PLSCR1: variants seen among roughly 807,000 people sequenced by gnomAD.
PLSCR1 encodes the protein PL scramblase 1.
In PLSCR1, 17 loss-of-function variants were observed where a neutral mutation model predicts 37.8. The observed-to-expected ratio is 0.45, with a 90% CI of 0.31 to 0.68. The LOEUF (loss-of-function observed/expected upper bound fraction) is 0.68, where lower values mean the gene tolerates loss of function less well. PLSCR1 is among the 30% of genes least tolerant of loss of function. The probability of loss-of-function intolerance (pLI) is 0.06; values close to 1 mark genes in which losing one functional copy is unlikely to be tolerated. For missense variants in PLSCR1, 347 were observed against 380.9 expected (o/e 0.91, Z 0.74); for synonymous variants, 116 against 125.9 (o/e 0.92, Z 0.53).
rs745943253 is a variant in PLSCR1 at position 146,521,904 on chromosome 3, C to A, written c.505G>T (p.Gly169Cys). Reference sequence around the variant, plus strand: ...CTCTCCAGAGTTATGACTTCTTGACCCATATTATCAATAATCCTCAAGGTA... The same window carrying A: ...CTCTCCAGAGTTATGACTTCTTGACACATATTATCAATAATCCTCAAGGTA... Reference protein sequence around the residue: ...PFTLRIIDNMGQEVITLERPL... With the variant: ...PFTLRIIDNMCQEVITLERPL... Residue 169 changes from glycine (G) to cysteine (C), a missense_variant, in exon 6 of 9, where the codon GGT becomes TGT. Coordinates refer to ENST00000342435, the MANE Select transcript of PLSCR1 (RefSeq NM_021105.3). The A allele has an allele frequency of 9.9e-6, 16 of 1,613,634 alleles. No homozygotes were observed. Among genetic ancestry groups the A allele is most frequent in the Non-Finnish European group, 1.4e-5 (16 of 1,179,750 alleles).
rs2044174296 is a variant in PLSCR1 at position 146,530,011 on chromosome 3, A to T, written c.95-1180T>A. ...CTCTGGAAAATATAATTTGAGAAAC[A>T]AGGATGGCAAAAAATTGTAAGAGGC... is the stretch of plus-strand genomic sequence containing the variant. On this transcript the variant is annotated intron_variant, in intron 3 of 8. Transcript: ENST00000342435. Among the ~76,000 whole-genome samples, 2 of 152,240 alleles carry T rather than the reference A, an allele frequency of 1.3e-5. 1 individual carries two copies. The highest frequency in any genetic ancestry group is 4.1e-4 in the South Asian group (2 of 4,836).
intron 5 of PLSCR1, 34 bp downstream of exon 5, chr3:146,525,571 T>G: frequency 8.6e-7 from 1 of 1,168,044 alleles, no homozygotes; most frequent in Non-Finnish European, 1.3e-6. Context: ...CTTCTACTCT[T>G]TATAGAAACA....
At chr3:146,544,281 A>G (rs1407787546) in intron 1 of PLSCR1, among the ~76,000 whole-genome samples, 186 bp downstream of exon 1, 5 of 151,982 alleles carry the variant, frequency 3.3e-5, no homozygotes, top group Non-Finnish European at 7.4e-5. Flanking sequence ...GGCCTCTTGC[A>G]TTTCTGGCCC....
chr3:146,527,749 G>A (rs540025291), intron 4 of PLSCR1, among the ~76,000 whole-genome samples: 2 of 152,262 alleles, frequency 1.3e-5, no homozygotes, highest in African/African-American at 4.8e-5. Context: ...GGGAAATTAA[G>A]TTACTAAAGA....
intron 4 of PLSCR1, among the ~76,000 whole-genome samples, chr3:146,526,183 CAAAAAAAAAAAAAAAA>C (rs60229241): frequency 1.2e-4 from 5 of 42,824 alleles, no homozygotes; most frequent in African/African-American, 4.8e-4. Flanking sequence ...GACTCCATCT[CAAAAAAAAAAAAAAAA>C]AAAAAGAAAG....
intron 3 of PLSCR1, among the ~76,000 whole-genome samples, chr3:146,530,307 C>T (rs1015464534): frequency 6.6e-6 from 1 of 152,028 alleles, no homozygotes; most frequent in African/African-American, 2.4e-5. Context: ...CAGAATAAAC[C>T]TCACAATAAT....
At chr3:146,527,225 A>T (rs1488829688) in intron 4 of PLSCR1, among the ~76,000 whole-genome samples, 1 of 152,216 alleles carries the variant, frequency 6.6e-6, no homozygotes, top group Non-Finnish European at 1.5e-5. Context: ...TAATGAATAC[A>T]AAATTACAGC....
chr3:146,537,548 A>G (rs2044281741), intron 1 of PLSCR1, among the ~76,000 whole-genome samples: 1 of 152,156 alleles, frequency 6.6e-6, no homozygotes, highest in South Asian at 2.1e-4. Flanking sequence ...AAGACTTCCC[A>G]AGAAGAAACC....
Position 146,533,454 on chromosome 3 carries a change from T to C in PLSCR1, c.94+16A>G, listed in dbSNP as rs773193775. On this transcript the variant is annotated intron_variant, in intron 3 of 8. Coordinates refer to ENST00000342435, the MANE Select transcript of PLSCR1 (RefSeq NM_021105.3). Reference sequence around the variant, plus strand: ...TCAATTAATTTTACTTTTTCTTCTTTCAGCAACTGCTTTACCTTGGAATGC... The same window carrying C: ...TCAATTAATTTTACTTTTTCTTCTTCCAGCAACTGCTTTACCTTGGAATGC... 4.0e-6 allele frequency: 6 copies of C among 1,502,632 alleles called. No individual in the cohort carries two copies. The highest frequency in any genetic ancestry group is 2.8e-6 in the Non-Finnish European group (3 of 1,087,176). The allele number at this position is 1,502,632 out of a possible 1,614,324, so 93.1% of individuals were successfully genotyped here.
intron 2 of PLSCR1, among the ~76,000 whole-genome samples, chr3:146,535,092 G>A (rs2108660689): frequency 6.6e-6 from 1 of 152,126 alleles, no homozygotes; most frequent in East Asian, 1.9e-4. Flanking sequence ...CCTGCCTGCA[G>A]CCCCTACTCC....
At chr3:146,523,753 G>T (rs1397915965) in intron 5 of PLSCR1, among the ~76,000 whole-genome samples, 1 of 152,162 alleles carries the variant, frequency 6.6e-6, no homozygotes, top group Non-Finnish European at 1.5e-5. Context: ...GAAACAGATG[G>T]CTGCAAAATG....
intron 2 of PLSCR1, among the ~76,000 whole-genome samples, chr3:146,534,904 C>T (rs1039812564): frequency 6.6e-6 from 1 of 151,830 alleles, no homozygotes; most frequent in Non-Finnish European, 1.5e-5. Context: ...ATAAATAACA[C>T]AAAACAACAA....
At chr3:146,522,244 G>C (rs2044033662) in intron 5 of PLSCR1, among the ~76,000 whole-genome samples, 191 bp from the exon 6 acceptor site, 1 of 152,084 alleles carries the variant, frequency 6.6e-6, no homozygotes, top group South Asian at 2.1e-4. Context: ...CCAATGTATA[G>C]AGAAATTAAG....
intron 5 of PLSCR1, among the ~76,000 whole-genome samples, chr3:146,522,563 A>G (rs2044040424): frequency 6.6e-6 from 1 of 152,254 alleles, no homozygotes; most frequent in African/African-American, 2.4e-5. Flanking sequence ...GTGGAAGGCC[A>G]CAGGGACCTC....
At chr3:146,536,712 A>T in intron 1 of PLSCR1, 147 bp from the exon 2 acceptor site, 1 of 567,872 alleles carries the variant, frequency 1.8e-6, no homozygotes, top group Non-Finnish European at 3.3e-6. Context: ...TGGTCATTTA[A>T]GCCCTTTGTG....
intron 1 of PLSCR1, among the ~76,000 whole-genome samples, chr3:146,543,969 T>C (rs16858420): frequency 0.22 from 32,847 of 151,834 alleles, 3,762 homozygotes; most frequent in African/African-American, 0.31. Context: ...CTAGCATAGA[T>C]GTGGGCTCCG....
At chr3:146,516,983 A>G (rs1387219367) in intron 8 of PLSCR1, 23 bp downstream of exon 8, 1 of 1,436,542 alleles carries the variant, frequency 7.0e-7, no homozygotes, top group Non-Finnish European at 9.5e-7. Flanking sequence ...ATCTATAATC[A>G]AGATTAATAA....
At chr3:146,531,344 G>A (rs2044196025) in intron 3 of PLSCR1, among the ~76,000 whole-genome samples, 2 of 152,216 alleles carry the variant, frequency 1.3e-5, no homozygotes, top group South Asian at 4.1e-4. Flanking sequence ...TGAGTTTAGT[G>A]TTAGCCTTTA....
chr3:146,538,395 GAA>G (rs1576798090), intron 1 of PLSCR1, among the ~76,000 whole-genome samples: 2 of 152,066 alleles, frequency 1.3e-5, no homozygotes, highest in African/African-American at 2.4e-5. Context: ...AAAAATATGC[GAA>G]GAGTACTTTA....
Sources: allele counts gnomAD v4.1 joint callset (sites outside exome capture counted in the v4.1 genomes callset), GRCh38; gene constraint gnomAD v4.1.1; transcripts MANE v1.5; gene names NCBI Gene and HGNC (gene_info 2026-07-23, HGNC 2026-07-21).